Variants in SPATA31H1 observed in about 807,000 individuals in gnomAD.
SPATA31H1 encodes the protein spermatogenesis-associated protein 31H1.
the SPATA31H1 span, among the ~76,000 whole-genome samples, chr2:27,556,614 T>A: frequency 6.6e-5 from 10 of 151,366 alleles, no homozygotes; most frequent in South Asian, 4.1e-4. Context: ...AGATTTTTTT[T>A]ATTTTTTTTC....
chr2:27,545,054 ACT>A, the SPATA31H1 span, among the ~76,000 whole-genome samples: 1 of 148,686 alleles, frequency 6.7e-6, no homozygotes, highest in South Asian at 2.1e-4. Context: ...ACAGAATCTT[ACT>A]CTGTTGCACA....
At chr2:27,571,938 C>G in the SPATA31H1 span, 1 of 398,342 alleles carries the variant, frequency 2.5e-6, no homozygotes, top group Non-Finnish European at 4.4e-6. Flanking sequence ...GGATTTAACC[C>G]TTGAGCCTGA....
the SPATA31H1 span, chr2:27,575,964 A>G: frequency 7.5e-6 from 3 of 398,572 alleles, no homozygotes; most frequent in African/African-American, 2.1e-5. The surrounding 1 kb of genome is among the most constrained non-coding windows in gnomAD (Gnocchi z 4.1). Context: ...TGAGACACCT[A>G]TGATGTTCAA....
the SPATA31H1 span, among the ~76,000 whole-genome samples, chr2:27,560,548 C>T: frequency 6.6e-6 from 1 of 151,456 alleles, no homozygotes; most frequent in Admixed American, 6.6e-5. Flanking sequence ...AGCTCAGCCT[C>T]CCGGGTTCAC....
chr2:27,568,290 A>G, the SPATA31H1 span: 2 of 398,930 alleles, frequency 5.0e-6, no homozygotes, highest in Non-Finnish European at 8.8e-6. Context: ...ACATGCAGTT[A>G]CGGAAACTGT....
chr2:27,575,341 T>C, the SPATA31H1 span: 1 of 398,542 alleles, frequency 2.5e-6, no homozygotes, highest in Middle Eastern at 6.3e-4. This position sits in a 1 kb window ranked among gnomAD's most constrained non-coding sequence, Gnocchi z 4.1. Flanking sequence ...GTAAAATTTA[T>C]GGTGTTCAAT....
At chr2:27,582,115 C>T in the SPATA31H1 span, 23 of 1,613,582 alleles carry the variant, frequency 1.4e-5, no homozygotes, top group Non-Finnish European at 4.2e-6. Context: ...AGTCACAGTC[C>T]CTCAGAGAAG....
the SPATA31H1 span, among the ~76,000 whole-genome samples, chr2:27,548,758 T>C: frequency 6.6e-6 from 1 of 151,816 alleles, no homozygotes; most frequent in African/African-American, 2.4e-5. Context: ...CTTTATTTTA[T>C]TCTGTCCATT....
At chr2:27,574,450 C>T in the SPATA31H1 span, 1 of 398,420 alleles carries the variant, frequency 2.5e-6, no homozygotes, top group East Asian at 3.6e-5. Context: ...GAATCAGGCC[C>T]ACAGTTACAA....
the SPATA31H1 span, chr2:27,576,800 T>A: frequency 6.2e-7 from 1 of 1,614,084 alleles, no homozygotes; most frequent in Non-Finnish European, 8.5e-7. Flanking sequence ...GCGTAAAACA[T>A]GTGAAATTAT....
chr2:27,549,246 G>C, the SPATA31H1 span, among the ~76,000 whole-genome samples: 3 of 151,820 alleles, frequency 2.0e-5, no homozygotes, highest in East Asian at 5.8e-4. Context: ...TTTTTGAGGA[G>C]GGGAAGAAGA....
chr2:27,552,254 T>A, the SPATA31H1 span, among the ~76,000 whole-genome samples: 1 of 152,054 alleles, frequency 6.6e-6, no homozygotes, highest in African/African-American at 2.4e-5. Flanking sequence ...CATTTTGAAT[T>A]AATTTTTTGA....
the SPATA31H1 span, among the ~76,000 whole-genome samples, chr2:27,555,540 G>A: frequency 6.6e-6 from 1 of 151,778 alleles, no homozygotes; most frequent in Non-Finnish European, 1.5e-5. Flanking sequence ...TGGGTGTGGT[G>A]GTGTGCACCT....
chr2:27,569,970 C>T, the SPATA31H1 span: 12 of 398,754 alleles, frequency 3.0e-5, no homozygotes, highest in Non-Finnish European at 5.3e-5. Context: ...CTCAGATTCC[C>T]CAGTTCAGGA....
the SPATA31H1 span, among the ~76,000 whole-genome samples, chr2:27,537,923 A>C: frequency 6.6e-6 from 1 of 152,194 alleles, no homozygotes; most frequent in Non-Finnish European, 1.5e-5. Flanking sequence ...GGGAGAGCTC[A>C]GGTTTGAGTG....
At chr2:27,579,716 AAGTG>A in the SPATA31H1 span, 26 of 1,614,072 alleles carry the variant, frequency 1.6e-5, no homozygotes, top group Non-Finnish European at 1.9e-5. Flanking sequence ...CAATGGAAGA[AAGTG>A]AGGACTCACA....
At chr2:27,576,065 A>G in the SPATA31H1 span, 6 of 399,570 alleles carry the variant, frequency 1.5e-5, no homozygotes, top group East Asian at 2.1e-4. Context: ...ACCCTGGGCC[A>G]CAGGTGCAGT....
chr2:27,576,698 G>A, the SPATA31H1 span: 8 of 1,613,986 alleles, frequency 5.0e-6, no homozygotes, highest in Middle Eastern at 1.6e-4. Flanking sequence ...CAGGACCACT[G>A]TTGACTAGTG....
the SPATA31H1 span, among the ~76,000 whole-genome samples, chr2:27,555,535 G>A: frequency 2.6e-5 from 4 of 151,820 alleles, no homozygotes; most frequent in Non-Finnish European, 4.4e-5. Context: ...CTGGCTGGGT[G>A]TGGTGGTGTG....
Sources: gnomAD v4.1 joint callset for allele counts (sites outside exome capture counted in the v4.1 genomes callset) on GRCh38, gnomAD v4.1.1 for gene constraint, Gnocchi (gnomAD v3.1) non-coding constraint, MANE v1.5 for transcripts, NCBI Gene and HGNC (gene_info 2026-07-23, HGNC 2026-07-21) for gene names.